The following PLB1 variants were observed in gnomAD, a reference collection of about 807,000 sequenced individuals.
The protein encoded by PLB1 is phospholipase B1, also known as phospholipase B1, membrane-associated.
Under a neutral mutation model 227.4 loss-of-function variants are expected in PLB1, and 242 were observed. The observed-to-expected ratio is 1.06, with a 90% CI of 0.96 to 1.18. PLB1 has a LOEUF of 1.18. Among genes scored for constraint, PLB1 ranks in the 50% most tolerant of loss-of-function variants. The probability of loss-of-function intolerance (pLI) is 0.00; values close to 1 mark genes in which losing one functional copy is unlikely to be tolerated. For synonymous variants in PLB1, 757 were observed against 682.2 expected (o/e 1.11, Z -1.71); for missense variants, 1,858 against 1,816.3 (o/e 1.02, Z -0.42).
chr2:28,551,511 G>A (rs1190025466), intron 16 of PLB1, among the ~76,000 whole-genome samples: 2 of 152,156 alleles, frequency 1.3e-5, no homozygotes, highest in Non-Finnish European at 2.9e-5. Context: ...TTGATGGCCT[G>A]GGCTTCCACC....
chr2:28,578,259 CAG>C (rs1679333371), intron 22 of PLB1, 101 bp downstream of exon 22: 18 of 1,111,248 alleles, frequency 1.6e-5, no homozygotes, highest in Non-Finnish European at 2.0e-5. Context: ...GGGTTTCTAG[CAG>C]ACACATCTGA....
chr2:28,601,767 G>T (rs533405985), intron 37 of PLB1, 132 bp from the exon 38 acceptor site: 2 of 765,844 alleles, frequency 2.6e-6, no homozygotes, highest in South Asian at 1.5e-5. Flanking sequence ...TTGACATGGT[G>T]AGCTGGCCAC....
At position 28,516,817 on chromosome 2, in the gene PLB1, A is replaced by G; in HGVS notation, c.65A>G (p.Gln22Arg). Reference protein sequence around the residue: ...LLLLLGQGTPQIHTSPRKSTL... With the variant: ...LLLLLGQGTPRIHTSPRKSTL... Reference sequence around the variant, plus strand: ...TTCTGCTTTCTTTCAGGGACCCCTCAGATCCATACCTCTCCTAGAAAGAGT... The same window carrying G: ...TTCTGCTTTCTTTCAGGGACCCCTCGGATCCATACCTCTCCTAGAAAGAGT... The change falls in exon 2 of 58, where the codon CAG (glutamine) becomes CGG (arginine). Residue 22 changes from glutamine (Q) to arginine (R), a missense_variant. By Grantham distance (43) the Gln-to-Arg change is conservative (BLOSUM62 1). Transcript: ENST00000327757. The G allele has an allele frequency of 6.2e-7, 1 of 1,613,644 alleles. No individual in the cohort carries two copies. The highest frequency in any genetic ancestry group is 8.5e-7 in the Non-Finnish European group (1 of 1,179,588).
At chr2:28,534,185 T>A (rs541580420) in intron 9 of PLB1, among the ~76,000 whole-genome samples, 1 of 152,208 alleles carries the variant, frequency 6.6e-6, no homozygotes, top group African/African-American at 2.4e-5. Flanking sequence ...CCATGAGTAT[T>A]TTGCTGTGTA....
chr2:28,617,910 C>A, intron 45 of PLB1, 123 bp downstream of exon 45: 1 of 990,278 alleles, frequency 1.0e-6, no homozygotes, highest in Non-Finnish European at 1.6e-6. Context: ...GCAGTGCAGA[C>A]CTAGATCCTG....
intron 4 of PLB1, among the ~76,000 whole-genome samples, chr2:28,524,314 A>G (rs555153501): frequency 2.6e-5 from 4 of 152,296 alleles, no homozygotes; most frequent in Admixed American, 1.3e-4. Context: ...AGTATTTTAT[A>G]TGTCCTGGGC....
At chr2:28,588,937 G>A (rs977082572) in intron 26 of PLB1, among the ~76,000 whole-genome samples, 2 of 151,956 alleles carry the variant, frequency 1.3e-5, no homozygotes, top group African/African-American at 4.8e-5. Context: ...AGGCCGAGGC[G>A]GGTGGATCAC....
chr2:28,545,778 G>A (rs1047507070), intron 14 of PLB1, among the ~76,000 whole-genome samples: 1 of 152,122 alleles, frequency 6.6e-6, no homozygotes, highest in Non-Finnish European at 1.5e-5. Context: ...TGGAAGGCAG[G>A]TGTACCTGTT....
At chr2:28,566,591 T>G in intron 19 of PLB1, 2 of 534,122 alleles carry the variant, frequency 3.7e-6, no homozygotes, top group Non-Finnish European at 3.4e-6. Context: ...AAAGCTGGCG[T>G]TTTGTTTGGA....
At chr2:28,600,952 G>C in intron 36 of PLB1, 92 bp downstream of exon 36, 1 of 1,193,060 alleles carries the variant, frequency 8.4e-7, no homozygotes, top group Non-Finnish European at 1.2e-6. Context: ...AAAGCAGTGA[G>C]CCCCATGTTA....
chr2:28,611,706 G>T (rs187380600), intron 43 of PLB1, among the ~76,000 whole-genome samples: 3 of 152,270 alleles, frequency 2.0e-5, no homozygotes, highest in Admixed American at 2.0e-4. Context: ...GTTGGTGAAT[G>T]CTCAGGGAAT....
intron 1 of PLB1, among the ~76,000 whole-genome samples, chr2:28,514,034 T>C (rs1668565178): frequency 6.6e-6 from 1 of 152,250 alleles, no homozygotes; most frequent in Non-Finnish European, 1.5e-5. Flanking sequence ...CTTCTGCTTA[T>C]TTAATTCATT....
intron 3 of PLB1, 63 bp from the exon 4 acceptor site, chr2:28,519,642 T>C: frequency 2.4e-6 from 3 of 1,273,470 alleles, no homozygotes; most frequent in Non-Finnish European, 3.4e-6. Flanking sequence ...CCATACGGTA[T>C]CCTTGGCCGA....
chr2:28,608,275 A>G (rs934919367), intron 43 of PLB1, among the ~76,000 whole-genome samples: 3 of 152,236 alleles, frequency 2.0e-5, no homozygotes, highest in Non-Finnish European at 4.4e-5. Context: ...TGCATTCCTC[A>G]GTCCCATCTG....
rs962758031 is a variant in PLB1, at chr2:28,625,163, G to T, written c.3579+55G>T. Reference sequence around the variant, plus strand: ...AAGGTGCCCATCTCCTGCTGGCTGGGGAGGGGACAGCCCCATAAGGGTCCC... The same window carrying T: ...AAGGTGCCCATCTCCTGCTGGCTGGTGAGGGGACAGCCCCATAAGGGTCCC... On this transcript the variant is annotated intron_variant, in intron 50 of 57. Transcript: ENST00000327757. 5 of 1,514,062 alleles carry T rather than the reference G, an allele frequency of 3.3e-6. No individual in the cohort carries two copies. In the African/African-American group the frequency reaches 5.5e-5, roughly 17 times the overall value. The allele number at this position is 1,514,062 out of a possible 1,614,324, so 93.8% of individuals were successfully genotyped here. A position where few individuals can be genotyped will look rare whatever the true frequency, so the allele number is the denominator to read the frequency against.
At position 28,600,853 on chromosome 2, in the gene PLB1, A is replaced by G. The variant is rs756234169; in HGVS notation, c.2519A>G (p.Asp840Gly). The change falls in exon 36 of 58, where the codon GAT becomes GGT. Residue 840 changes from aspartate to glycine, a missense_variant. Transcript: ENST00000327757. ...CAAACTCTGATGCAGAAGATGAAAG[A>G]TGATCATGTGAGTCAGATTTACTGT... is the stretch of plus-strand genomic sequence containing the variant. Reference protein sequence around the residue: ...QVQTLMQKMKDDHRVNFHEDW... With the variant: ...QVQTLMQKMKGDHRVNFHEDW... The G allele has an allele frequency of 9.9e-6, 16 of 1,611,266 alleles. No individual in the cohort carries two copies. In the African/African-American group the frequency reaches 1.5e-4, roughly 15 times the overall value.
At chr2:28,560,739 G>A (rs368018687) in intron 17 of PLB1, among the ~76,000 whole-genome samples, 11 of 152,190 alleles carry the variant, frequency 7.2e-5, no homozygotes, top group Admixed American at 2.0e-4. Flanking sequence ...AAAGAGTCAC[G>A]TATTATATTA....
intron 10 of PLB1, among the ~76,000 whole-genome samples, chr2:28,538,721 A>ATGC (rs1672055658): frequency 6.6e-6 from 1 of 152,130 alleles, no homozygotes; most frequent in African/African-American, 2.4e-5. Flanking sequence ...AGTGACCGTG[A>ATGC]TGCTGCTGCA....
chr2:28,533,319 G>A (rs1671265309), intron 9 of PLB1, among the ~76,000 whole-genome samples: 1 of 152,200 alleles, frequency 6.6e-6, no homozygotes. Context: ...TTAGCATATA[G>A]ATAATGAAGA....
Sources: gnomAD v4.1 joint callset for allele counts (sites outside exome capture counted in the v4.1 genomes callset) on GRCh38, gnomAD v4.1.1 for gene constraint, MANE v1.5 for transcripts, NCBI Gene and HGNC (gene_info 2026-07-23, HGNC 2026-07-21) for gene names.